Variants in NRXN3 observed in about 807,000 individuals in gnomAD.
The protein encoded by NRXN3 is neurexin 3.
NRXN3 carries 32 observed loss-of-function variants against 137.6 expected under a neutral mutation model. The observed-to-expected ratio is 0.23, with a 90% CI of 0.18 to 0.31. NRXN3 has a LOEUF of 0.31. Among genes scored for constraint, NRXN3 ranks in the 10% least tolerant of loss-of-function variants. The probability of loss-of-function intolerance (pLI) is 1.00; values close to 1 mark genes in which losing one functional copy is unlikely to be tolerated. For synonymous variants in NRXN3, 798 were observed against 784.5 expected (o/e 1.02, Z -0.29); for missense variants, 1,574 against 2,062.5 (o/e 0.76, Z 4.59).
intron 15 of NRXN3, among the ~76,000 whole-genome samples, chr14:79,131,132 C>T (rs1403223498): frequency 5.3e-5 from 8 of 152,270 alleles, no homozygotes; most frequent in Admixed American, 3.3e-4. Flanking sequence ...AATTTCCTCC[C>T]GTAGCTCAGA....
chr14:78,385,735 C>A (rs1443659202), intron 4 of NRXN3, among the ~76,000 whole-genome samples: 1 of 152,142 alleles, frequency 6.6e-6, no homozygotes, highest in African/African-American at 2.4e-5. Flanking sequence ...ATCTAAGAAT[C>A]CTCTTCTTTC....
At chr14:78,472,731 G>A (rs989742490) in intron 4 of NRXN3, among the ~76,000 whole-genome samples, 2 of 151,992 alleles carry the variant, frequency 1.3e-5, no homozygotes, top group Non-Finnish European at 1.5e-5. Context: ...TAAAAGAAGC[G>A]TTGGAGTTTA....
chr14:78,599,833 G>A (rs1433384489), intron 4 of NRXN3, among the ~76,000 whole-genome samples: 1 of 152,194 alleles, frequency 6.6e-6, no homozygotes, highest in Non-Finnish European at 1.5e-5. Flanking sequence ...AGAAATAATA[G>A]GAGGGAAAAG....
intron 2 of NRXN3, among the ~76,000 whole-genome samples, chr14:78,264,338 G>A (rs116779455): frequency 0.02 from 3,064 of 152,232 alleles, 121 homozygotes; most frequent in African/African-American, 0.071. Context: ...GGCAGCTGGG[G>A]CCACAGTTCC....
intron 8 of NRXN3, among the ~76,000 whole-genome samples, chr14:78,741,647 T>C (rs956970367): frequency 3.3e-5 from 5 of 152,168 alleles, no homozygotes; most frequent in Non-Finnish European, 7.3e-5. Context: ...CGTCCCACCC[T>C]TTTATTTATT....
chr14:78,425,667 G>A (rs1253776818), intron 4 of NRXN3, among the ~76,000 whole-genome samples: 1 of 152,110 alleles, frequency 6.6e-6, no homozygotes, highest in African/African-American at 2.4e-5. Context: ...TAAGGCCAAC[G>A]AGTAATAATT....
chr14:79,814,395 T>G (rs2099245299), intron 20 of NRXN3, among the ~76,000 whole-genome samples: 1 of 152,226 alleles, frequency 6.6e-6, no homozygotes, highest in Non-Finnish European at 1.5e-5. Flanking sequence ...TTGTCTCTAC[T>G]TTTAACCTTA....
chr14:79,429,872 C>CT (rs2095717160), intron 15 of NRXN3, among the ~76,000 whole-genome samples: 1 of 151,960 alleles, frequency 6.6e-6, no homozygotes, highest in Non-Finnish European at 1.5e-5. Flanking sequence ...TATACAATAT[C>CT]TTTGGAGAGT....
chr14:78,565,956 C>T (rs2096832359), intron 4 of NRXN3, among the ~76,000 whole-genome samples: 1 of 152,190 alleles, frequency 6.6e-6, no homozygotes, highest in Non-Finnish European at 1.5e-5. Context: ...TGACCCTGGT[C>T]ATTCTTTGAA....
chr14:78,666,868 C>T (rs551835968), intron 6 of NRXN3, among the ~76,000 whole-genome samples: 58 of 152,284 alleles, frequency 3.8e-4, no homozygotes, highest in African/African-American at 1.3e-3. Flanking sequence ...CTTCAGCCTC[C>T]CACTCAAGGC....
intron 15 of NRXN3, among the ~76,000 whole-genome samples, chr14:79,439,418 C>T (rs1031550908): frequency 6.6e-6 from 1 of 152,126 alleles, no homozygotes; most frequent in African/African-American, 2.4e-5. Context: ...TGCTAATGGC[C>T]ACCACGGTGC....
chr14:79,402,240 T>C (rs2095220668), intron 15 of NRXN3, among the ~76,000 whole-genome samples: 1 of 152,174 alleles, frequency 6.6e-6, no homozygotes. Context: ...CCAGCCTTTT[T>C]TTCTGTGTCT....
intron 15 of NRXN3, among the ~76,000 whole-genome samples, chr14:79,135,745 T>C (rs183254045): frequency 6.6e-6 from 1 of 152,332 alleles, no homozygotes; most frequent in Admixed American, 6.5e-5. Context: ...ATTCAAATGA[T>C]AGCTAATTAT....
chr14:79,251,297 G>C (rs1421000238), intron 15 of NRXN3, among the ~76,000 whole-genome samples: 1 of 152,106 alleles, frequency 6.6e-6, no homozygotes, highest in Non-Finnish European at 1.5e-5. Context: ...GAGGTACTAG[G>C]GAATGAACAG....
At chr14:79,482,450 C>T (rs918831432) in intron 16 of NRXN3, among the ~76,000 whole-genome samples, 3 of 152,156 alleles carry the variant, frequency 2.0e-5, no homozygotes, top group Non-Finnish European at 4.4e-5. Context: ...AGCTCTCTCG[C>T]TATCTGGTTC....
chr14:79,023,890 C>CA (rs2099593870), intron 15 of NRXN3, among the ~76,000 whole-genome samples: 1 of 152,040 alleles, frequency 6.6e-6, no homozygotes, highest in African/African-American at 2.4e-5. Context: ...AAACCATTAT[C>CA]AGGAGGGGTG....
intron 2 of NRXN3, among the ~76,000 whole-genome samples, chr14:78,257,284 T>C (rs1055154808): frequency 9.2e-5 from 14 of 152,284 alleles, no homozygotes; most frequent in Admixed American, 3.3e-4. Flanking sequence ...CATCTCTTTA[T>C]TGGAATAAGT....
intron 15 of NRXN3, among the ~76,000 whole-genome samples, chr14:79,015,620 A>C (rs2099577921): frequency 6.6e-6 from 1 of 152,140 alleles, no homozygotes. Context: ...ACTTTTCTCC[A>C]TTCTAAGGCC....
intron 4 of NRXN3, among the ~76,000 whole-genome samples, chr14:78,623,119 T>C (rs2097422206): frequency 6.6e-6 from 1 of 152,168 alleles, no homozygotes; most frequent in Non-Finnish European, 1.5e-5. Flanking sequence ...CTAAGGAAGG[T>C]TGAGATTCTT....
Sources: gnomAD v4.1 joint callset for allele counts (sites outside exome capture counted in the v4.1 genomes callset) on GRCh38, gnomAD v4.1.1 for gene constraint, MANE v1.5 for transcripts, NCBI Gene and HGNC (gene_info 2026-07-23, HGNC 2026-07-21) for gene names.